B3GALT1: variants seen among roughly 807,000 people sequenced by gnomAD.
B3GALT1 encodes UDP-Gal:betaGlcNAc beta 1,3-galactosyltransferase, polypeptide 1.
In B3GALT1, 10 loss-of-function variants were observed where a neutral mutation model predicts 23.2. That is an observed-to-expected ratio of 0.43 (90% CI 0.27 to 0.73). The LOEUF is 0.73. Among genes scored for constraint, B3GALT1 ranks in the 30% least tolerant of loss-of-function variants. B3GALT1 has a pLI of 0.21. For synonymous variants in B3GALT1, 156 were observed against 141.5 expected, an observed-to-expected ratio of 1.10 and a Z score of -0.73; for missense variants, 299 against 405.4, an observed-to-expected ratio of 0.74 and a Z score of 2.25.
intron 1 of B3GALT1, among the ~76,000 whole-genome samples, chr2:167,413,277 A>G (rs966529576): frequency 2.6e-5 from 4 of 152,056 alleles, no homozygotes; most frequent in African/African-American, 9.7e-5. Context: ...TTGACCTAAT[A>G]TATGACCAGT....
chr2:167,589,696 A>C (rs1684642283), intron 2 of B3GALT1, among the ~76,000 whole-genome samples: 1 of 152,050 alleles, frequency 6.6e-6, no homozygotes, highest in South Asian at 2.1e-4. Flanking sequence ...AGGGATTTTT[A>C]TTAGGCTACA....
intron 1 of B3GALT1, among the ~76,000 whole-genome samples, chr2:167,389,871 A>G (rs1697988955): frequency 6.9e-6 from 1 of 144,482 alleles, no homozygotes; most frequent in East Asian, 2.1e-4. Context: ...TGATTGTGCC[A>G]CTGCACTCTA....
At chr2:167,569,628 C>G (rs1684254732) in intron 2 of B3GALT1, among the ~76,000 whole-genome samples, 1 of 151,838 alleles carries the variant, frequency 6.6e-6, no homozygotes, top group Non-Finnish European at 1.5e-5. Context: ...TTACTTCTTC[C>G]TTCCCAATCT....
chr2:167,586,861 A>G (rs1684592875), intron 2 of B3GALT1, among the ~76,000 whole-genome samples: 1 of 152,230 alleles, frequency 6.6e-6, no homozygotes, highest in South Asian at 2.1e-4. Flanking sequence ...ACTAAAACTC[A>G]AGAGAGTAAC....
intron 3 of B3GALT1, among the ~76,000 whole-genome samples, chr2:167,657,577 A>G (rs1020059438): frequency 3.3e-5 from 5 of 152,250 alleles, no homozygotes; most frequent in Non-Finnish European, 5.9e-5. Flanking sequence ...TGTGAAATAT[A>G]TGATTTATCA....
At chr2:167,524,194 C>A (rs2105363639) in intron 2 of B3GALT1, among the ~76,000 whole-genome samples, 1 of 152,138 alleles carries the variant, frequency 6.6e-6, no homozygotes, top group South Asian at 2.1e-4. Flanking sequence ...GTATGAATTT[C>A]TTTTCATGAG....
intron 1 of B3GALT1, among the ~76,000 whole-genome samples, chr2:167,423,032 C>T (rs1574072692): frequency 6.6e-6 from 1 of 152,112 alleles, no homozygotes; most frequent in Non-Finnish European, 1.5e-5. Context: ...GAAAATTCCT[C>T]AAAAGTTTCT....
rs529839469 is a variant in B3GALT1, at chr2:167,739,943, A to C, written c.-351-78729A>C. Among the ~76,000 whole-genome samples the C allele has an allele frequency of 9.4e-3, 1,318 of 139,816 alleles. 37 individuals are homozygous for C. The highest frequency in any genetic ancestry group is 0.026 in the African/African-American group (1,027 of 39,410). 91.7% of individuals were successfully genotyped at this position (139,816 alleles called of 152,430 possible). A position where few individuals can be genotyped will look rare whatever the true frequency, so the allele number is the denominator to read the frequency against. ...TTGTCTCTACAAAAAAACAAACAAA[A>C]AAAAAAAAATCTAGGCGTGGTGGTG... On this transcript the variant is annotated intron_variant, in intron 3 of 4. Coordinates refer to ENST00000392690, the MANE Select transcript of B3GALT1 (RefSeq NM_020981.4).
intron 3 of B3GALT1, among the ~76,000 whole-genome samples, chr2:167,651,885 A>C (rs16854016): frequency 0.075 from 11,431 of 152,134 alleles, 1,116 homozygotes; most frequent in African/African-American, 0.22. Context: ...TACAAAGGGG[A>C]ATCTGTTTGC....
chr2:167,308,085 A>G (rs1394504047), intron 1 of B3GALT1, among the ~76,000 whole-genome samples: 1 of 152,096 alleles, frequency 6.6e-6, no homozygotes, highest in Non-Finnish European at 1.5e-5. Flanking sequence ...ACTGTGTGTT[A>G]GAAATAGAAT....
At chr2:167,340,268 A>T (rs1218736390) in intron 1 of B3GALT1, among the ~76,000 whole-genome samples, 1 of 150,760 alleles carries the variant, frequency 6.6e-6, no homozygotes, top group Non-Finnish European at 1.5e-5. Context: ...AGGGTGATAA[A>T]CCAGGCTTGC....
At chr2:167,445,735 T>C (rs962632677) in intron 1 of B3GALT1, among the ~76,000 whole-genome samples, 1 of 152,210 alleles carries the variant, frequency 6.6e-6, no homozygotes, top group African/African-American at 2.4e-5. Context: ...CCTCCATCCC[T>C]TTCTTTTGAG....
At chr2:167,474,685 G>A (rs192224078) in intron 1 of B3GALT1, among the ~76,000 whole-genome samples, 8 of 152,100 alleles carry the variant, frequency 5.3e-5, no homozygotes, top group African/African-American at 1.4e-4. Flanking sequence ...GACACCAAAG[G>A]TGCATCGCAA....
At chr2:167,533,626 A>G (rs776424463) in intron 2 of B3GALT1, among the ~76,000 whole-genome samples, 39 of 152,300 alleles carry the variant, frequency 2.6e-4, no homozygotes, top group Non-Finnish European at 3.4e-4. Context: ...TGACTGCTCT[A>G]TCATTATACA....
intron 4 of B3GALT1, among the ~76,000 whole-genome samples, chr2:167,848,802 C>T (rs1215045114): frequency 1.3e-5 from 2 of 152,128 alleles, no homozygotes; most frequent in South Asian, 2.1e-4. Context: ...GGAAGTCAAA[C>T]TGTCATTGTT....
At chr2:167,790,703 T>G (rs1028189801) in intron 3 of B3GALT1, among the ~76,000 whole-genome samples, 3 of 152,212 alleles carry the variant, frequency 2.0e-5, no homozygotes, top group Admixed American at 2.0e-4. Flanking sequence ...CTTTTCCTCC[T>G]TTATCTAATT....
At chr2:167,429,726 T>C (rs1574075207) in intron 1 of B3GALT1, among the ~76,000 whole-genome samples, 2 of 152,316 alleles carry the variant, frequency 1.3e-5, no homozygotes, top group African/African-American at 4.8e-5. Context: ...CTCAGCTAAG[T>C]TTCCCCCAAG....
At chr2:167,473,550 A>G (rs1010969787) in intron 1 of B3GALT1, among the ~76,000 whole-genome samples, 1 of 152,106 alleles carries the variant, frequency 6.6e-6, no homozygotes, top group African/African-American at 2.4e-5. Context: ...AATAACTCAT[A>G]TTATCATCAT....
At chr2:167,408,805 A>AC (rs1698349958) in intron 1 of B3GALT1, among the ~76,000 whole-genome samples, 4 of 84,116 alleles carry the variant, frequency 4.8e-5, no homozygotes, top group Non-Finnish European at 7.4e-5. Context: ...ATACAAAAAA[A>AC]AAAAAAAACA....
Sources: allele counts gnomAD v4.1 joint callset (sites outside exome capture counted in the v4.1 genomes callset), GRCh38; gene constraint gnomAD v4.1.1; transcripts MANE v1.5; gene names NCBI Gene and HGNC (gene_info 2026-07-23, HGNC 2026-07-21).